The following C1orf21 variants were observed in gnomAD, a reference collection of about 807,000 sequenced individuals.
C1orf21 encodes the protein uncharacterized protein C1orf21.
A neutral mutation model predicts 18.7 loss-of-function variants in C1orf21; 3 were observed. The ratio of observed to expected loss-of-function variants is 0.16; its 90% CI spans 0.07 to 0.42. C1orf21 has a LOEUF of 0.42. Ranked by LOEUF, C1orf21 falls within the 10% of genes least tolerant of loss-of-function variation. The pLI is 0.99. For synonymous variants in C1orf21, 41 were observed against 46.4 expected (o/e 0.88, Z 0.47); for missense variants, 104 against 143.6 (o/e 0.72, Z 1.41).
intron 1 of C1orf21, among the ~76,000 whole-genome samples, chr1:184,398,896 G>A (rs114855019): frequency 0.015 from 2,278 of 152,230 alleles, 65 homozygotes; most frequent in African/African-American, 0.053. Context: ...ACATGGTTAT[G>A]TGGCACATGG....
Position 184,600,415 on chromosome 1 carries a change from C to T in C1orf21, c.327+1954C>T, listed in dbSNP as rs1041484146. Among the ~76,000 whole-genome samples, 4 of 152,194 alleles carry T rather than the reference C, an allele frequency of 2.6e-5. No individual in the cohort carries two copies. In the South Asian group the frequency reaches 6.2e-4, roughly 24 times the overall value. On this transcript the variant is annotated intron_variant, in intron 5 of 5. Coordinates refer to ENST00000235307, the MANE Select transcript of C1orf21 (RefSeq NM_030806.4). ...CTCCTGACATCAGGTGATCGACGCA[C>T]CTCAGCCTCCCAAAGTGCTGGGATT... is the stretch of plus-strand genomic sequence containing the variant.
At chr1:184,556,142 T>G (rs531549788) in intron 3 of C1orf21, among the ~76,000 whole-genome samples, 1 of 152,164 alleles carries the variant, frequency 6.6e-6, no homozygotes, top group African/African-American at 2.4e-5. Context: ...CACCACAGTA[T>G]GGATTCTCAT....
intron 1 of C1orf21, among the ~76,000 whole-genome samples, chr1:184,394,525 A>G (rs1404854603): frequency 1.3e-5 from 2 of 152,198 alleles, no homozygotes; most frequent in South Asian, 2.1e-4. Flanking sequence ...CATTCCTAAA[A>G]GCTTCTTCCT....
At chr1:184,498,608 C>T (rs992378555) in intron 2 of C1orf21, among the ~76,000 whole-genome samples, 1 of 152,102 alleles carries the variant, frequency 6.6e-6, no homozygotes, top group African/African-American at 2.4e-5. Flanking sequence ...TTTAGGTCCT[C>T]CTGATGATGG....
chr1:184,415,739 A>G (rs1656439386), intron 1 of C1orf21, among the ~76,000 whole-genome samples: 1 of 152,178 alleles, frequency 6.6e-6, no homozygotes, highest in Non-Finnish European at 1.5e-5. Context: ...TGTACCTTCA[A>G]AAGTCTATTA....
chr1:184,531,712 C>T (rs1020423680), intron 3 of C1orf21, among the ~76,000 whole-genome samples: 11 of 152,044 alleles, frequency 7.2e-5, no homozygotes, highest in South Asian at 2.1e-4. Flanking sequence ...ATATGGAAGC[C>T]GACTTTAAAT....
intron 2 of C1orf21, among the ~76,000 whole-genome samples, chr1:184,495,586 A>G (rs1328577915): frequency 1.3e-5 from 2 of 152,080 alleles, no homozygotes; most frequent in African/African-American, 2.4e-5. Context: ...ACCATCAAAT[A>G]GCATCAATAT....
intron 3 of C1orf21, among the ~76,000 whole-genome samples, chr1:184,521,197 T>A (rs1322386279): frequency 6.6e-6 from 1 of 152,142 alleles, no homozygotes; most frequent in Non-Finnish European, 1.5e-5. Context: ...CCAATATAAT[T>A]TTTTTTCTAA....
chr1:184,618,683 A>G (rs1659870048), intron 5 of C1orf21, among the ~76,000 whole-genome samples: 1 of 148,232 alleles, frequency 6.7e-6, no homozygotes, highest in African/African-American at 2.5e-5. Context: ...TTTTAAAAGA[A>G]AAAGAAAAAG....
intron 3 of C1orf21, chr1:184,566,874 CTGCA>C: frequency 8.1e-6 from 4 of 495,070 alleles, no homozygotes; most frequent in South Asian, 6.3e-5. Flanking sequence ...GTGACAACAG[CTGCA>C]CCCAAATCTG....
At chr1:184,574,620 T>C (rs1659161207) in intron 3 of C1orf21, among the ~76,000 whole-genome samples, 1 of 152,182 alleles carries the variant, frequency 6.6e-6, no homozygotes, top group Non-Finnish European at 1.5e-5. Context: ...TAGGAAAAGA[T>C]TTTCACTTAA....
intron 2 of C1orf21, among the ~76,000 whole-genome samples, chr1:184,484,802 G>A (rs892240686): frequency 8.6e-5 from 13 of 151,920 alleles, no homozygotes. Flanking sequence ...TCTTTCACTT[G>A]GACTTTGTAT....
At chr1:184,522,566 C>T (rs144728849) in intron 3 of C1orf21, among the ~76,000 whole-genome samples, 1,567 of 152,112 alleles carry the variant, frequency 0.01, 17 homozygotes, top group Non-Finnish European at 0.015. Flanking sequence ...CAAAGGGATA[C>T]GGGAGCCCAC....
intron 1 of C1orf21, among the ~76,000 whole-genome samples, chr1:184,430,492 G>A (rs1656723110): frequency 6.6e-6 from 1 of 152,152 alleles, no homozygotes; most frequent in African/African-American, 2.4e-5. Flanking sequence ...TGTATAATTT[G>A]TATCTTCATT....
At chr1:184,610,431 G>A (rs763638165) in intron 5 of C1orf21, among the ~76,000 whole-genome samples, 3 of 152,194 alleles carry the variant, frequency 2.0e-5, no homozygotes, top group Admixed American at 2.0e-4. Flanking sequence ...CCAAGAGAAC[G>A]TGGTCGTCTG....
At chr1:184,517,264 C>T (rs1658245327) in intron 3 of C1orf21, among the ~76,000 whole-genome samples, 2 of 152,308 alleles carry the variant, frequency 1.3e-5, no homozygotes, top group South Asian at 2.1e-4. Context: ...TAGGAACCCT[C>T]TACAAGTCCA....
intron 3 of C1orf21, among the ~76,000 whole-genome samples, chr1:184,521,491 G>A (rs966669380): frequency 6.6e-6 from 1 of 152,126 alleles, no homozygotes; most frequent in Admixed American, 6.6e-5. Flanking sequence ...ATGGATAAGT[G>A]CATATTGCTA....
chr1:184,472,875 C>G (rs1359178339), intron 1 of C1orf21, among the ~76,000 whole-genome samples: 1 of 152,152 alleles, frequency 6.6e-6, no homozygotes, highest in Non-Finnish European at 1.5e-5. Flanking sequence ...TCTGAAGCAC[C>G]TTGAGGTACG....
intron 5 of C1orf21, among the ~76,000 whole-genome samples, chr1:184,610,833 C>G (rs1045496127): frequency 7.7e-5 from 11 of 142,478 alleles, no homozygotes; most frequent in Non-Finnish European, 1.5e-4. Flanking sequence ...AGCAACAGAG[C>G]GAGACTCTGA....
Sources: gnomAD v4.1 joint callset for allele counts (sites outside exome capture counted in the v4.1 genomes callset) on GRCh38, gnomAD v4.1.1 for gene constraint, MANE v1.5 for transcripts, NCBI Gene and HGNC (gene_info 2026-07-23, HGNC 2026-07-21) for gene names.